CLPTM1L: variants seen among roughly 807,000 people sequenced by gnomAD.
CLPTM1L encodes the protein lipid scramblase CLPTM1L.
CLPTM1L carries 38 observed loss-of-function variants against 70.9 expected under a neutral mutation model. That is an observed-to-expected ratio of 0.54 (90% confidence interval 0.41 to 0.70). CLPTM1L has a LOEUF of 0.70. CLPTM1L is among the 30% of genes least tolerant of loss of function. The probability of loss-of-function intolerance (pLI) is 0.00; values close to 1 mark genes in which losing one functional copy is unlikely to be tolerated. For synonymous variants in CLPTM1L, 339 were observed against 299.9 expected, an observed-to-expected ratio of 1.13 and a Z score of -1.35; for missense variants, 652 against 705.9, an observed-to-expected ratio of 0.92 and a Z score of 0.87.
rs148529700 is a variant in CLPTM1L, at chr5:1,339,084, C to T, written c.454-79G>A. 312 of 1,474,666 alleles carry T rather than the reference C, an allele frequency of 2.1e-4. 1 individual carries two copies. The African/African-American group carries it at 3.7e-3, about 18-fold the overall frequency. The allele number at this position is 1,474,666 out of a possible 1,614,324, so 91.3% of individuals were successfully genotyped here. ...ACAGCAGGGTCAGCCCCCTAACCTGCGAACAGAACGGCCACACAGACAGGC... is the reference window on the plus strand; with the variant it reads ...ACAGCAGGGTCAGCCCCCTAACCTGTGAACAGAACGGCCACACAGACAGGC... On this transcript the variant is annotated intron_variant, in intron 3 of 16. Coordinates refer to ENST00000320895, the MANE Select transcript of CLPTM1L (RefSeq NM_030782.5).
At chr5:1,333,765 C>CAGATGA (rs1753350569) in intron 7 of CLPTM1L, among the ~76,000 whole-genome samples, 3 of 31,248 alleles carry the variant, frequency 9.6e-5, no homozygotes, top group African/African-American at 9.6e-5. Flanking sequence ...GTATACACAC[C>CAGATGA]GGATGAGGAT....
Position 1,335,047 on chromosome 5 carries a change from C to T in CLPTM1L, c.796+10G>A, listed in dbSNP as rs200650793. On this transcript the variant is annotated intron_variant, in intron 6 of 16. Coordinates refer to ENST00000320895, the MANE Select transcript of CLPTM1L (RefSeq NM_030782.5). The stretch of plus-strand genomic sequence containing the variant: ...GCCTCACCCAGGCGCCGGCCGTGTG[C>T]GGCACATACCGAACTGCTGCAGGGA... The T allele has an allele frequency of 1.2e-5, 20 of 1,607,574 alleles. No individual in the cohort carries two copies. Among genetic ancestry groups the T allele is most frequent in the African/African-American group, 9.3e-5 (7 of 74,928 alleles).
chr5:1,319,944 T>G (rs1419737245), intron 16 of CLPTM1L, among the ~76,000 whole-genome samples: 1 of 151,912 alleles, frequency 6.6e-6, no homozygotes, highest in African/African-American at 2.4e-5. Context: ...TGGAGGGAGG[T>G]TTTGCTGACT....
rs1025323047 is a variant in CLPTM1L, at chr5:1,334,668, C to T, written c.797-285G>A. ...ACTGGGGGGACTGAGGAACGAGAAT[C>T]GCTTGAATCCGGGGGGCGGAGGCTG... On this transcript the variant is annotated intron_variant, in intron 6 of 16. Coordinates refer to ENST00000320895, the MANE Select transcript of CLPTM1L (RefSeq NM_030782.5). Among the ~76,000 whole-genome samples the T allele has an allele frequency of 3.6e-4, 55 of 152,036 alleles. 2 individuals carry two copies. The highest frequency in any genetic ancestry group is 6.6e-5 in the Admixed American group (1 of 15,248).
intron 7 of CLPTM1L, among the ~76,000 whole-genome samples, chr5:1,333,662 G>C (rs1753328161): frequency 2.1e-5 from 2 of 97,030 alleles, no homozygotes; most frequent in East Asian, 3.5e-4. Flanking sequence ...ATACACACCG[G>C]CTGAGGATAA....
chr5:1,325,828 A>G lies in CLPTM1L; in HGVS notation c.1081-12T>C, dbSNP rs771903266. ...TTCACTTTCCACAGCTGAGGGGAGA[A>G]ATCAGGAAATAGTTCCTTTAATATT... On this transcript the variant is annotated splice_polypyrimidine_tract_variant and intron_variant, in intron 9 of 16. Transcript: ENST00000320895. 1.1e-5 allele frequency: 17 copies of G among 1,612,772 alleles called. No homozygotes were observed. In the South Asian group the frequency reaches 1.8e-4, roughly 17 times the overall value.
At chr5:1,326,542 A>C (rs1376113699) in intron 9 of CLPTM1L, 1 of 238,026 alleles carries the variant, frequency 4.2e-6, no homozygotes, top group Non-Finnish European at 7.7e-6. Context: ...CATTTCATCC[A>C]GCTCCTCCTC....
intron 9 of CLPTM1L, among the ~76,000 whole-genome samples, chr5:1,327,288 T>C (rs71595010): frequency 3.2e-3 from 302 of 93,590 alleles, no homozygotes; most frequent in Middle Eastern, 0.016. Context: ...CAGGGACATT[T>C]CATCCAGCTC....
chr5:1,320,106 C>T (rs1752063939), intron 16 of CLPTM1L: 1 of 152,398 alleles, frequency 6.6e-6, no homozygotes, highest in Non-Finnish European at 1.5e-5. Flanking sequence ...CAGCCTTCAA[C>T]CTGAAGGCCA....
intron 1 of CLPTM1L, 103 bp downstream of exon 1, chr5:1,344,577 C>T (rs1309902162): frequency 6.8e-7 from 1 of 1,462,978 alleles, no homozygotes; most frequent in African/African-American, 1.4e-5. Flanking sequence ...CATCTCGACT[C>T]GCGCGGCCAC....
chr5:1,321,073 C>T (rs1752124053), intron 15 of CLPTM1L, among the ~76,000 whole-genome samples: 1 of 152,194 alleles, frequency 6.6e-6, no homozygotes, highest in Non-Finnish European at 1.5e-5. Flanking sequence ...AGGTTAGAGC[C>T]GCCCGAGACC....
chr5:1,327,137 C>G (rs1414326529), intron 9 of CLPTM1L, among the ~76,000 whole-genome samples: 3 of 147,360 alleles, frequency 2.0e-5, no homozygotes, highest in East Asian at 2.1e-4. Flanking sequence ...CCTCTACAGA[C>G]ACATTTCATC....
rs776092784 is a variant in CLPTM1L at position 1,330,290 on chromosome 5, G to A, written c.1070C>T (p.Ala357Val). 2 of 1,612,624 alleles carry A rather than the reference G, an allele frequency of 1.2e-6. No individual in the cohort carries two copies. The highest frequency in any genetic ancestry group is 1.7e-6 in the Non-Finnish European group (2 of 1,179,818). Residue 357 changes from alanine (A) to valine (V), a missense_variant, in exon 9 of 17, where the codon GCC (alanine) becomes GTC (valine). Around this residue, in one of 3 missense-constraint regions of CLPTM1L, gnomAD observed 240 missense variants for 295.0 expected, o/e 0.81. Transcript: ENST00000320895. ...CTGCCCGGAACTCACCTCAATGGCG[G>A]CTCCAACACCCGCCGGGACCAGCAC... ...LLVLVPAGVG[A>V]AIELWKVKKA... is the part of the protein sequence containing the mutation.
intron 9 of CLPTM1L, among the ~76,000 whole-genome samples, chr5:1,327,929 T>A (rs1456812166): frequency 1.7e-5 from 1 of 57,372 alleles, no homozygotes; most frequent in African/African-American, 6.6e-5. Context: ...ACACATTCCA[T>A]CCAGCTCCTC....
rs1753949838 is a variant in CLPTM1L, at chr5:1,341,776, C to G, written c.348G>C (p.Leu116=). 6.2e-7 allele frequency: 1 copy of G among 1,613,954 alleles called. No homozygotes were observed. The highest frequency in any genetic ancestry group is 1.3e-5 in the African/African-American group (1 of 74,922). Residue 116 remains leucine (L), a synonymous_variant, in exon 3 of 17, where the codon CTG becomes CTC. Coordinates refer to ENST00000320895, the MANE Select transcript of CLPTM1L (RefSeq NM_030782.5). The stretch of plus-strand genomic sequence containing the variant: ...GCACCTGCTTCCCGTCGTGCCACGG[C>G]AGGACCCCAGCGTGATGGAGGAAGA... ...AYIFLHHAGV[L]PWHDGKQVHL...
At chr5:1,331,983 G>C in intron 7 of CLPTM1L, 100 bp from the exon 8 acceptor site, 9 of 940,744 alleles carry the variant, frequency 9.6e-6, no homozygotes, top group South Asian at 1.4e-5. Context: ...GACTGCAGGT[G>C]TACTCAGCCT....
chr5:1,343,284 G>A (rs1170783318), intron 2 of CLPTM1L, among the ~76,000 whole-genome samples: 1 of 152,130 alleles, frequency 6.6e-6, no homozygotes, highest in African/African-American at 2.4e-5. Context: ...GTCTCCACCA[G>A]GACATCTTAA....
At chr5:1,338,232 T>C (rs992845492) in intron 4 of CLPTM1L, 2 of 565,230 alleles carry the variant, frequency 3.5e-6, no homozygotes, top group Non-Finnish European at 6.4e-6. Context: ...CCACGGCCAC[T>C]AGGAGCGGGG....
At chr5:1,320,583 G>C in intron 16 of CLPTM1L, 33 bp downstream of exon 16, 2 of 1,257,732 alleles carry the variant, frequency 1.6e-6, no homozygotes, top group South Asian at 2.9e-5. Flanking sequence ...CGCTGAGACG[G>C]AGCAACGGCC....
Sources: allele counts gnomAD v4.1 joint callset (sites outside exome capture counted in the v4.1 genomes callset), GRCh38; gene constraint gnomAD v4.1.1; regional missense constraint gnomAD v4.1.1; transcripts MANE v1.5; gene names NCBI Gene and HGNC (gene_info 2026-07-23, HGNC 2026-07-21).